The following RGPD3 variants were observed in gnomAD, a reference collection of about 807,000 sequenced individuals.
RGPD3 encodes the protein RANBP2 like and GRIP domain containing 3.
A neutral mutation model predicts 154.5 loss-of-function variants in RGPD3; 62 were observed. The ratio of observed to expected loss-of-function variants is 0.40; its 90% CI spans 0.33 to 0.50. The LOEUF is 0.50. Ranked by LOEUF, RGPD3 falls within the 20% of genes least tolerant of loss-of-function variation. The pLI is 0.59. For synonymous variants in RGPD3, 308 were observed against 607.0 expected, an observed-to-expected ratio of 0.51 and a Z score of 7.24; for missense variants, 919 against 1,716.8, an observed-to-expected ratio of 0.54 and a Z score of 8.21.
At chr2:106,467,570 C>T (rs576196099) in intron 1 of RGPD3, among the ~76,000 whole-genome samples, 4 of 136,744 alleles carry the variant, frequency 2.9e-5, no homozygotes, top group African/African-American at 8.7e-5. Flanking sequence ...CAGGGAGCAG[C>T]GCCCGTCGGG....
At chr2:106,467,668 G>T (rs1404047100) in intron 1 of RGPD3, among the ~76,000 whole-genome samples, 2 of 141,346 alleles carry the variant, frequency 1.4e-5, no homozygotes, top group African/African-American at 2.7e-5. Flanking sequence ...AGCGCCCGTC[G>T]GGAGCCATGA....
chr2:106,441,823 C>T (rs144546096), intron 7 of RGPD3, among the ~76,000 whole-genome samples: 10,855 of 133,146 alleles, frequency 0.082, 917 homozygotes, highest in East Asian at 0.58. Flanking sequence ...GAGACTGTGC[C>T]ATTGCACTCC....
intron 7 of RGPD3, among the ~76,000 whole-genome samples, chr2:106,442,432 AG>A (rs1677776829): frequency 1.6e-5 from 2 of 128,574 alleles, no homozygotes; most frequent in Non-Finnish European, 3.3e-5. Flanking sequence ...TATGGATAAT[AG>A]GGGATAGCAC....
intron 21 of RGPD3, 33 bp from the exon 22 acceptor site, chr2:106,413,318 T>C: frequency 6.2e-7 from 1 of 1,610,768 alleles, no homozygotes; most frequent in South Asian, 1.1e-5. Context: ...AAAATGGGCT[T>C]TAGGAGCTTC....
In RGPD3 at chr2:106,413,147, C is replaced by T. The variant is rs1204323080; in HGVS notation, c.5203G>A (p.Val1735Ile). The stretch of plus-strand genomic sequence containing the variant: ...CTGAGCTGCAACATCGTATTTATAA[C>T]AGGAAGAAGTCTCTCTCTTTCACTA... ...PGSERERLLP[V>I]INTMLQLSLE... The change falls in exon 22 of 23, where the codon GTT (valine) becomes ATT (isoleucine). Residue 1735 changes from valine to isoleucine, a missense_variant. By Grantham distance (29) the Val-to-Ile change is conservative. Coordinates refer to ENST00000409886, the MANE Select transcript of RGPD3 (RefSeq NM_001144013.2). 6.2e-7 allele frequency: 1 copy of T among 1,611,616 alleles called. No individual in the cohort carries two copies.
At chr2:106,421,154 G>A (rs1676973884) in intron 20 of RGPD3, among the ~76,000 whole-genome samples, 1 of 152,056 alleles carries the variant, frequency 6.6e-6, no homozygotes, top group South Asian at 2.1e-4. Context: ...AAGACACCTT[G>A]GGTAAATCAG....
At position 106,415,981 on chromosome 2, in the gene RGPD3, A is replaced by G; in HGVS notation, c.4933T>C (p.Leu1645=). ...TFKTPEKEPP[L]WYAEFTKEEL... ...TCTTTAGTAAATTCAGCATACCATA[A>G]TGGAGGCTCTGCAACATGTTGTTCC... The change falls in exon 21 of 23, where the codon TTA becomes CTA. Residue 1645 remains leucine, a synonymous_variant. Coordinates refer to ENST00000409886, the MANE Select transcript of RGPD3 (RefSeq NM_001144013.2). 6.2e-7 allele frequency: 1 copy of G among 1,611,812 alleles called. No individual in the cohort carries two copies. Among genetic ancestry groups the G allele is most frequent in the Non-Finnish European group, 8.5e-7 (1 of 1,179,806 alleles).
Position 106,405,173 on chromosome 2 carries a change from A to T in RGPD3, c.*46T>A. 2 of 1,608,192 alleles carry T rather than the reference A, an allele frequency of 1.2e-6. No individual in the cohort carries two copies. Among genetic ancestry groups the T allele is most frequent in the East Asian group, 4.5e-5 (2 of 44,782 alleles). ...CTTCCATCAACCTATCGAAGTCCAAACCAACTACGAAGATAGGATGCCCAT... is the reference window on the plus strand; with the variant it reads ...CTTCCATCAACCTATCGAAGTCCAATCCAACTACGAAGATAGGATGCCCAT... On this transcript the variant is annotated 3_prime_UTR_variant, in exon 23 of 23. Transcript: ENST00000409886.
At chr2:106,450,774 A>G (rs1211498457) in intron 6 of RGPD3, among the ~76,000 whole-genome samples, 2 of 126,422 alleles carry the variant, frequency 1.6e-5, no homozygotes, top group Non-Finnish European at 1.6e-5. Flanking sequence ...AGTTCCACCT[A>G]TTCAGGAGGC....
intron 7 of RGPD3, among the ~76,000 whole-genome samples, chr2:106,444,692 G>T (rs1677852986): frequency 6.8e-6 from 1 of 147,684 alleles, no homozygotes; most frequent in African/African-American, 2.5e-5. Flanking sequence ...CAGGCATGGT[G>T]GCAGGCACCT....
chr2:106,411,687 G>A (rs1358299646), intron 22 of RGPD3, among the ~76,000 whole-genome samples: 4 of 151,774 alleles, frequency 2.6e-5, no homozygotes, highest in South Asian at 2.1e-4. Context: ...ATTAGCTGGC[G>A]TGCATCTGTA....
intron 9 of RGPD3, among the ~76,000 whole-genome samples, chr2:106,438,076 T>C (rs1005851564): frequency 6.6e-6 from 1 of 152,044 alleles, no homozygotes; most frequent in African/African-American, 2.4e-5. Flanking sequence ...TACAGGCACA[T>C]GCCACCACCC....
intron 1 of RGPD3, among the ~76,000 whole-genome samples, 157 bp downstream of exon 1, chr2:106,468,060 C>G (rs1167720811): frequency 3.4e-5 from 5 of 147,916 alleles, no homozygotes; most frequent in East Asian, 2.0e-4. Flanking sequence ...TCGAGGCCGC[C>G]GCAGGGCCAG....
intron 22 of RGPD3, among the ~76,000 whole-genome samples, chr2:106,407,510 C>T (rs1390662414): frequency 6.6e-6 from 1 of 151,154 alleles, no homozygotes; most frequent in Non-Finnish European, 1.5e-5. Flanking sequence ...AGTGAGGTAA[C>T]CTTGTTCCCA....
intron 22 of RGPD3, among the ~76,000 whole-genome samples, chr2:106,405,540 G>A (rs1676490099): frequency 6.6e-6 from 1 of 151,570 alleles, no homozygotes; most frequent in South Asian, 2.1e-4. Context: ...CCATGCCTGG[G>A]TAATTTTTTG....
rs1676440495 is a variant in RGPD3, at chr2:106,404,096, C to G, written c.*1123G>C. Among the ~76,000 whole-genome samples the G allele has an allele frequency of 6.6e-6, 1 of 152,044 alleles. No homozygotes were observed. Among genetic ancestry groups the G allele is most frequent in the South Asian group, 2.1e-4 (1 of 4,836 alleles). On this transcript the variant is annotated 3_prime_UTR_variant, in exon 23 of 23. Coordinates refer to ENST00000409886, the MANE Select transcript of RGPD3 (RefSeq NM_001144013.2). ...AACTGTGAAGATGTAGCACGGACCT[C>G]TAAGGTGTCTAAAATCCCTTCTGAT...
At chr2:106,440,483 G>A (rs548094852) in intron 8 of RGPD3, among the ~76,000 whole-genome samples, 7 of 151,136 alleles carry the variant, frequency 4.6e-5, no homozygotes, top group African/African-American at 1.7e-4. Flanking sequence ...TGAGAGCCCT[G>A]CAAGGGTAGA....
At chr2:106,461,444 A>G (rs1252307840) in intron 1 of RGPD3, among the ~76,000 whole-genome samples, 1 of 152,222 alleles carries the variant, frequency 6.6e-6, no homozygotes, top group Non-Finnish European at 1.5e-5. Context: ...TGTTGGACAA[A>G]GGGATGACTT....
chr2:106,448,882 A>C (rs1678015477), intron 6 of RGPD3, among the ~76,000 whole-genome samples: 2 of 150,508 alleles, frequency 1.3e-5, no homozygotes, highest in Admixed American at 1.3e-4. Context: ...AGTAGAGACA[A>C]GGTTTCACCA....
Sources: allele counts gnomAD v4.1 joint callset (sites outside exome capture counted in the v4.1 genomes callset), GRCh38; gene constraint gnomAD v4.1.1; transcripts MANE v1.5; gene names NCBI Gene and HGNC (gene_info 2026-07-23, HGNC 2026-07-21).